The following AGBL1 variants were observed in gnomAD, a reference collection of about 807,000 sequenced individuals.
The protein encoded by AGBL1 is cytosolic carboxypeptidase 4.
Under a neutral mutation model 118.9 loss-of-function variants are expected in AGBL1, and 130 were observed. The observed-to-expected ratio is 1.09, with a 90% CI of 0.95 to 1.26. The LOEUF (loss-of-function observed/expected upper bound fraction) is 1.26, where lower values mean the gene tolerates loss of function less well. AGBL1 is among the 50% of genes most tolerant of loss of function. AGBL1 has a pLI of 0.00. For synonymous variants in AGBL1, 555 were observed against 478.9 expected (o/e 1.16, Z -2.08); for missense variants, 1,584 against 1,298.1 (o/e 1.22, Z -3.38).
chr15:86,840,498 T>G (rs1282268279), intron 22 of AGBL1, among the ~76,000 whole-genome samples: 2 of 152,096 alleles, frequency 1.3e-5, no homozygotes, highest in Non-Finnish European at 2.9e-5. Context: ...CAGACTGGAG[T>G]GCAATGGCAT....
At chr15:86,716,088 CA>C (rs2086634539) in intron 22 of AGBL1, among the ~76,000 whole-genome samples, 1 of 150,312 alleles carries the variant, frequency 6.7e-6, no homozygotes, top group African/African-American at 2.5e-5. Context: ...AAAAAGAAAT[CA>C]GTTATTTTCG....
At chr15:86,433,266 C>CTTTTTTTTTTTTTTTTTTTTTTTTT (rs59417397) in intron 18 of AGBL1, among the ~76,000 whole-genome samples, 5 of 74,894 alleles carry the variant, frequency 6.7e-5, no homozygotes, top group African/African-American at 2.6e-4. Flanking sequence ...CCTCCTTCTT[C>CTTTTTTTTTTTTTTTTTTTTTTTTT]TTTTTTTTTT....
chr15:86,815,445 G>T (rs907503715), intron 22 of AGBL1, among the ~76,000 whole-genome samples: 1 of 152,048 alleles, frequency 6.6e-6, no homozygotes, highest in Non-Finnish European at 1.5e-5. Context: ...GGGTAAAAAC[G>T]TGTGTAAGAG....
At chr15:86,333,798 A>G (rs999078374) in intron 17 of AGBL1, among the ~76,000 whole-genome samples, 4 of 152,342 alleles carry the variant, frequency 2.6e-5, no homozygotes, top group Admixed American at 2.0e-4. Flanking sequence ...AAATGCTAGC[A>G]AGCTGAACCC....
chr15:86,694,099 A>C (rs1422627065), intron 22 of AGBL1, among the ~76,000 whole-genome samples: 1 of 151,850 alleles, frequency 6.6e-6, no homozygotes, highest in East Asian at 1.9e-4. Flanking sequence ...GTTCCATATG[A>C]GTTTTAGGAT....
intron 17 of AGBL1, among the ~76,000 whole-genome samples, chr15:86,368,295 A>G (rs1485603313): frequency 6.6e-6 from 1 of 152,110 alleles, no homozygotes; most frequent in African/African-American, 2.4e-5. Context: ...AGAGATAAAC[A>G]TAAACAACAA....
At chr15:86,837,109 T>C (rs985145588) in intron 22 of AGBL1, among the ~76,000 whole-genome samples, 1 of 152,004 alleles carries the variant, frequency 6.6e-6, no homozygotes, top group Non-Finnish European at 1.5e-5. Flanking sequence ...AATGAATGCA[T>C]GAAACTAAAT....
At chr15:86,889,786 C>T (rs956850736) in intron 22 of AGBL1, among the ~76,000 whole-genome samples, 10 of 152,062 alleles carry the variant, frequency 6.6e-5, no homozygotes, top group South Asian at 2.1e-4. Flanking sequence ...TTCTTAATTC[C>T]GTCTATCATT....
intron 21 of AGBL1, among the ~76,000 whole-genome samples, chr15:86,628,044 GT>G (rs2084913845): frequency 1.3e-5 from 2 of 152,222 alleles, no homozygotes; most frequent in Non-Finnish European, 1.5e-5. Context: ...TGCCTTCTGA[GT>G]CTTGCAGGTG....
intron 18 of AGBL1, among the ~76,000 whole-genome samples, chr15:86,431,467 A>G (rs1169600578): frequency 6.6e-6 from 1 of 152,202 alleles, no homozygotes; most frequent in Non-Finnish European, 1.5e-5. Flanking sequence ...GTAATTTGCA[A>G]TAGGGCAATT....
At chr15:86,399,943 T>C (rs1388948339) in intron 18 of AGBL1, among the ~76,000 whole-genome samples, 1 of 152,204 alleles carries the variant, frequency 6.6e-6, no homozygotes, top group Non-Finnish European at 1.5e-5. Flanking sequence ...CAATTTTGGC[T>C]GAAAGGGACT....
chr15:86,629,518 A>G (rs1023456243), intron 21 of AGBL1, among the ~76,000 whole-genome samples: 1 of 152,218 alleles, frequency 6.6e-6, no homozygotes, highest in Non-Finnish European at 1.5e-5. Context: ...AACCCCACAC[A>G]TTCAGAATAA....
At chr15:86,697,659 C>A (rs958139076) in intron 22 of AGBL1, among the ~76,000 whole-genome samples, 5 of 151,574 alleles carry the variant, frequency 3.3e-5, no homozygotes, top group Non-Finnish European at 7.4e-5. Flanking sequence ...TGTTAAAGAA[C>A]CTTGTTTTGT....
intron 22 of AGBL1, among the ~76,000 whole-genome samples, chr15:86,719,246 G>C (rs1364059241): frequency 5.9e-5 from 9 of 152,108 alleles, no homozygotes; most frequent in African/African-American, 1.9e-4. Context: ...ACAAGAACTG[G>C]GGTTGGGAAA....
intron 18 of AGBL1, among the ~76,000 whole-genome samples, chr15:86,443,219 A>G (rs746776886): frequency 2.0e-5 from 3 of 152,200 alleles, no homozygotes; most frequent in Non-Finnish European, 4.4e-5. Flanking sequence ...GATGGGACTC[A>G]TGGCTGCTGG....
chr15:86,628,429 A>C (rs553382107), intron 21 of AGBL1, among the ~76,000 whole-genome samples: 1 of 152,230 alleles, frequency 6.6e-6, no homozygotes, highest in African/African-American at 2.4e-5. Flanking sequence ...CCTAGAACAT[A>C]GCACTGATAG....
intron 23 of AGBL1, among the ~76,000 whole-genome samples, chr15:86,922,143 G>A (rs2080487554): frequency 6.6e-6 from 1 of 152,020 alleles, no homozygotes; most frequent in African/African-American, 2.4e-5. Flanking sequence ...GAAGAAAAAA[G>A]GCTAATAAAT....
chr15:86,773,680 G>A lies in AGBL1; in HGVS notation c.3158+99244G>A, dbSNP rs568786128. On this transcript the variant is annotated intron_variant, in intron 22 of 22. Coordinates refer to ENST00000614907, the MANE Select transcript of AGBL1 (RefSeq NM_001386094.1). ...AAGAAAGTGGATGTCAATACAATTA[G>A]CCTTCATGCACTCAGTGGAATAAAT... 2.1e-4 allele frequency among the ~76,000 whole-genome samples: 32 copies of A among 151,982 alleles called. 1 individual carries two copies. The South Asian group carries it at 6.2e-3, about 30-fold the overall frequency.
chr15:86,616,004 AG>A (rs1212701064), intron 21 of AGBL1, among the ~76,000 whole-genome samples: 2 of 152,106 alleles, frequency 1.3e-5, no homozygotes, highest in Non-Finnish European at 2.9e-5. Flanking sequence ...TGGGGCAGGG[AG>A]ATTAAGCTGA....
Sources: gnomAD v4.1 joint callset for allele counts (sites outside exome capture counted in the v4.1 genomes callset) on GRCh38, gnomAD v4.1.1 for gene constraint, MANE v1.5 for transcripts, NCBI Gene and HGNC (gene_info 2026-07-23, HGNC 2026-07-21) for gene names.